TMPRSS7: variants seen among roughly 807,000 people sequenced by gnomAD.
The protein encoded by TMPRSS7 is transmembrane serine protease 7.
In TMPRSS7, 81 loss-of-function variants were observed where a neutral mutation model predicts 95.6. The ratio of observed to expected loss-of-function variants is 0.85; its 90% confidence interval spans 0.71 to 1.02. The LOEUF is 1.02. Ranked by LOEUF, TMPRSS7 falls within the 50% of genes least tolerant of loss-of-function variation. The pLI is 0.00. For synonymous variants in TMPRSS7, 364 were observed against 337.8 expected (o/e 1.08, Z -0.85); for missense variants, 945 against 955.2 (o/e 0.99, Z 0.14).
chr3:112,076,730 T>C, intron 15 of TMPRSS7, 146 bp from the exon 16 acceptor site: 1 of 929,872 alleles, frequency 1.1e-6, no homozygotes, highest in Non-Finnish European at 1.6e-6. Context: ...CTTTCTGCCA[T>C]GGTCCCCGGA....
chr3:112,072,466 C>T (rs2073661189), intron 13 of TMPRSS7, among the ~76,000 whole-genome samples: 1 of 152,226 alleles, frequency 6.6e-6, no homozygotes, highest in African/African-American at 2.4e-5. Flanking sequence ...TCTTAGAGCT[C>T]AAATGCCATG....
At chr3:112,070,249 A>T (rs963044643) in intron 13 of TMPRSS7, among the ~76,000 whole-genome samples, 1 of 152,172 alleles carries the variant, frequency 6.6e-6, no homozygotes, top group Non-Finnish European at 1.5e-5. Flanking sequence ...TTTACTTCCA[A>T]TTATGTGGTC....
At chr3:112,047,503 C>T in intron 6 of TMPRSS7, 1 of 637,216 alleles carries the variant, frequency 1.6e-6, no homozygotes, top group Admixed American at 2.1e-5. Flanking sequence ...GGTTATGTGC[C>T]CACCTCTGAA....
Position 112,070,130 on chromosome 3 carries a change from G to A in TMPRSS7, c.1666+3628G>A, listed in dbSNP as rs193162. On this transcript the variant is annotated intron_variant, in intron 13 of 17. Transcript: ENST00000452346. The stretch of plus-strand genomic sequence containing the variant: ...CAGGTTATGCAGTTTCCATGAAGTT[G>A]TGCAGTTTTGAATGAGTTTTTTAAT... Among the ~76,000 whole-genome samples the A allele has an allele frequency of 3.3e-3, 496 of 152,308 alleles. 3 individuals are homozygous for A. Among genetic ancestry groups the A allele is most frequent in the African/African-American group, 0.011 (467 of 41,564 alleles).
exon 8 of TMPRSS7, chr3:112,049,913 G>A (rs546994344): frequency 4.5e-6 from 7 of 1,566,362 alleles, no homozygotes; most frequent in Non-Finnish European, 6.1e-6. Flanking sequence ...TGACATTTAA[G>A]TCTCCTCATA....
intron 16 of TMPRSS7, among the ~76,000 whole-genome samples, chr3:112,077,718 C>A (rs2073729758): frequency 6.6e-6 from 1 of 151,962 alleles, no homozygotes; most frequent in African/African-American, 2.4e-5. Flanking sequence ...TTTGCTATTT[C>A]TCTGACGGGA....
chr3:112,068,648 C>T (rs138124314), intron 13 of TMPRSS7, among the ~76,000 whole-genome samples: 1,997 of 152,156 alleles, frequency 0.013, 36 homozygotes, highest in African/African-American at 0.045. Context: ...TGTGTAAGAA[C>T]GCTTGTGATT....
intron 1 of TMPRSS7, among the ~76,000 whole-genome samples, chr3:112,036,796 C>G (rs1306455901): frequency 6.6e-6 from 1 of 152,156 alleles, no homozygotes; most frequent in East Asian, 1.9e-4. Flanking sequence ...GAAGCCATGG[C>G]AGAAGAACAT....
intron 13 of TMPRSS7, among the ~76,000 whole-genome samples, chr3:112,073,904 G>A (rs2073681966): frequency 6.6e-6 from 1 of 152,192 alleles, no homozygotes; most frequent in Non-Finnish European, 1.5e-5. Context: ...TGTCCATTTT[G>A]CCTCCTACTG....
intron 6 of TMPRSS7, 159 bp from the exon 7 acceptor site, chr3:112,047,580 T>C: frequency 3.0e-6 from 2 of 669,332 alleles, no homozygotes; most frequent in Non-Finnish European, 5.4e-6. Context: ...AAAGGCAAAA[T>C]GCTGGGCTGT....
At chr3:112,048,039 C>T in intron 7 of TMPRSS7, 72 bp downstream of exon 7, 1 of 1,452,808 alleles carries the variant, frequency 6.9e-7, no homozygotes, top group Non-Finnish European at 9.5e-7. Context: ...ATCTGTGTTC[C>T]CCCTGGATTT....
chr3:112,057,379 A>G lies in TMPRSS7; in HGVS notation c.1310+248A>G, dbSNP rs192100807. Among the ~76,000 whole-genome samples the G allele has an allele frequency of 1.8e-4, 27 of 152,312 alleles. 1 individual carries two copies. Among genetic ancestry groups the G allele is most frequent in the African/African-American group, 6.3e-4 (26 of 41,578 alleles). On this transcript the variant is annotated intron_variant, in intron 10 of 17. Transcript: ENST00000452346. ...TGGGCTACAGATATGTATATTCCACACTTCACAAGAGTATTTGGCAGATGA... is the reference window on the plus strand; with the variant it reads ...TGGGCTACAGATATGTATATTCCACGCTTCACAAGAGTATTTGGCAGATGA...
intron 5 of TMPRSS7, 73 bp from the exon 6 acceptor site, chr3:112,046,901 T>C: frequency 1.4e-6 from 1 of 693,506 alleles, no homozygotes; most frequent in Non-Finnish European, 2.6e-6. Flanking sequence ...CTGAAAATAA[T>C]TTTTACTAAG....
chr3:112,050,827 A>G (rs765246251), intron 9 of TMPRSS7, 44 bp downstream of exon 9: 6 of 935,190 alleles, frequency 6.4e-6, no homozygotes, highest in African/African-American at 1.7e-5. Context: ...TTACTGCTCT[A>G]TTTTTAATAG....
At position 112,046,973 on chromosome 3, in the gene TMPRSS7, G is replaced by T. The variant is rs1198320753; in HGVS notation, c.692-1G>T. ...TCTTCTCATGTGCTTTTTCAATGCA[G>T]CTGGGCTTCGGTCGGATTACTCGTC... On this transcript the variant is annotated splice_acceptor_variant, in intron 5 of 17. Transcript: ENST00000452346. LOFTEE classifies it high-confidence loss of function. 20 of 702,450 alleles carry T rather than the reference G, an allele frequency of 2.8e-5. No homozygotes were observed. Among genetic ancestry groups the T allele is most frequent in the Non-Finnish European group, 5.2e-5 (20 of 384,814 alleles). 43.5% of individuals were successfully genotyped at this position (702,450 alleles called of 1,614,324 possible).
exon 3 of TMPRSS7, chr3:112,042,023 T>C (rs1251233140): frequency 6.4e-7 from 1 of 1,551,598 alleles, no homozygotes; most frequent in East Asian, 2.4e-5. Flanking sequence ...GGGAATTTCT[T>C]TCAGTGTCAC....
At chr3:112,038,114 C>T (rs1438167741) in exon 2 of TMPRSS7, 16 of 702,012 alleles carry the variant, frequency 2.3e-5, no homozygotes. Context: ...CCAAAAGAAG[C>T]TGCCAGTGAG....
intron 11 of TMPRSS7, among the ~76,000 whole-genome samples, chr3:112,062,459 A>T (rs940831113): frequency 6.6e-6 from 1 of 152,142 alleles, no homozygotes; most frequent in Admixed American, 6.5e-5. Flanking sequence ...TGTGTGAGGG[A>T]AGTCATTAGA....
intron 7 of TMPRSS7, among the ~76,000 whole-genome samples, chr3:112,048,690 G>A (rs555459262): frequency 6.6e-5 from 10 of 152,276 alleles, no homozygotes; most frequent in African/African-American, 2.4e-4. Flanking sequence ...GTGTATGCAG[G>A]TATTTATATT....
Sources: gnomAD v4.1 joint callset for allele counts (sites outside exome capture counted in the v4.1 genomes callset) on GRCh38, gnomAD v4.1.1 for gene constraint, MANE v1.5 for transcripts, NCBI Gene and HGNC (gene_info 2026-07-23, HGNC 2026-07-21) for gene names.